Variants in PDE4D observed in about 807,000 individuals in gnomAD.
PDE4D encodes phosphodiesterase 4D.
Under a neutral mutation model 87.4 loss-of-function variants are expected in PDE4D, and 24 were observed. The observed-to-expected ratio is 0.27, with a 90% CI of 0.20 to 0.39. The LOEUF (loss-of-function observed/expected upper bound fraction) is 0.39, where lower values mean the gene tolerates loss of function less well. Ranked by LOEUF, PDE4D falls within the 10% of genes least tolerant of loss-of-function variation. PDE4D has a pLI of 1.00. For missense variants in PDE4D, 714 were observed against 1,041.0 expected (o/e 0.69, Z 4.32); for synonymous variants, 384 against 383.2 (o/e 1.00, Z -0.02).
chr5:59,347,740 C>CTT (rs1423280866), intron 1 of PDE4D, among the ~76,000 whole-genome samples: 1 of 152,100 alleles, frequency 6.6e-6, no homozygotes, highest in East Asian at 1.9e-4. Context: ...CTTTCCCTCA[C>CTT]TGTATTTTTA....
At chr5:59,128,528 G>T (rs938477539) in intron 5 of PDE4D, among the ~76,000 whole-genome samples, 1 of 152,058 alleles carries the variant, frequency 6.6e-6, no homozygotes, top group Non-Finnish European at 1.5e-5. Context: ...CATTTACAGT[G>T]GAGTGTATTA....
At chr5:60,170,348 A>G (rs1179138799) in intron 2 of PDE4D, among the ~76,000 whole-genome samples, 1 of 152,032 alleles carries the variant, frequency 6.6e-6, no homozygotes, top group Non-Finnish European at 1.5e-5. Flanking sequence ...CTTTCACTAT[A>G]GATCTACATA....
At chr5:59,238,279 G>T (rs772955906) in intron 1 of PDE4D, among the ~76,000 whole-genome samples, 5 of 152,138 alleles carry the variant, frequency 3.3e-5, no homozygotes, top group Non-Finnish European at 7.3e-5. Flanking sequence ...GCACAATAAT[G>T]AGATATTTGT....
At chr5:59,642,492 A>T (rs1485581438) in intron 1 of PDE4D, among the ~76,000 whole-genome samples, 1 of 152,102 alleles carries the variant, frequency 6.6e-6, no homozygotes. Context: ...TCATGGGGGA[A>T]GTTTCCCCTA....
At chr5:59,773,386 T>C (rs902749133) in intron 1 of PDE4D, among the ~76,000 whole-genome samples, 4 of 152,186 alleles carry the variant, frequency 2.6e-5, no homozygotes, top group Non-Finnish European at 1.5e-5. Context: ...AAATTGTTTA[T>C]GGTTATTTCT....
intron 3 of PDE4D, among the ~76,000 whole-genome samples, chr5:59,980,577 C>A (rs1245891419): frequency 6.6e-6 from 1 of 152,194 alleles, no homozygotes. Context: ...CCTTTGATTT[C>A]TAAAGGTAAA....
chr5:59,085,654 T>C (rs886239011), intron 5 of PDE4D, among the ~76,000 whole-genome samples: 1 of 152,174 alleles, frequency 6.6e-6, no homozygotes, highest in Admixed American at 6.5e-5. Context: ...CACGGCAAAA[T>C]GTGCGGATAC....
intron 1 of PDE4D, among the ~76,000 whole-genome samples, chr5:60,200,651 T>A (rs1397239614): frequency 6.6e-6 from 1 of 152,138 alleles, no homozygotes; most frequent in Non-Finnish European, 1.5e-5. Context: ...AAGATAGAAA[T>A]TTCAGTCCAT....
intron 1 of PDE4D, among the ~76,000 whole-genome samples, chr5:59,416,525 T>C (rs868064064): frequency 2.6e-5 from 4 of 152,178 alleles, no homozygotes; most frequent in African/African-American, 7.2e-5. Context: ...GGTGGACAAC[T>C]TCAATTGAAT....
chr5:59,948,747 G>C (rs1757961949), intron 3 of PDE4D, among the ~76,000 whole-genome samples: 1 of 152,220 alleles, frequency 6.6e-6, no homozygotes, highest in African/African-American at 2.4e-5. Context: ...TGTACAGAAA[G>C]TTAACACAGG....
In PDE4D at chr5:59,162,853, C is replaced by CAAAA. The variant is rs368976708; in HGVS notation, c.808+17738_808+17741dup. Among the ~76,000 whole-genome samples, 1,172 of 121,580 alleles carry CAAAA rather than the reference C, an allele frequency of 9.6e-3. 39 individuals are homozygous for CAAAA. Among genetic ancestry groups the CAAAA allele is most frequent in the African/African-American group, 0.035 (1,089 of 31,534 alleles). The allele number at this position is 121,580 out of a possible 152,430, so 79.8% of individuals were successfully genotyped here. A position where few individuals can be genotyped will look rare whatever the true frequency, so the allele number is the denominator to read the frequency against. ...CTGAGCAAAAAGTGAGACCCTGCAT[C>CAAAA]AAAAAAAAAAAAAATTGTAATTAAA... On this transcript the variant is annotated intron_variant, in intron 5 of 14. Coordinates refer to ENST00000340635, the MANE Select transcript of PDE4D (RefSeq NM_001104631.2).
intron 1 of PDE4D, among the ~76,000 whole-genome samples, chr5:60,276,998 G>T (rs1223135732): frequency 1.3e-5 from 2 of 151,778 alleles, no homozygotes; most frequent in African/African-American, 4.8e-5. Context: ...CATAATGCCA[G>T]TCTTTGTTTT....
At chr5:59,282,511 C>T (rs938177299) in intron 1 of PDE4D, among the ~76,000 whole-genome samples, 3 of 151,482 alleles carry the variant, frequency 2.0e-5, no homozygotes, top group Non-Finnish European at 4.4e-5. Flanking sequence ...GGTGTGGTGG[C>T]GAGCACCTGT....
chr5:60,216,271 C>T (rs574585927), intron 1 of PDE4D, among the ~76,000 whole-genome samples: 29 of 152,182 alleles, frequency 1.9e-4, no homozygotes, highest in Non-Finnish European at 3.2e-4. Context: ...CTCTATAGAG[C>T]CCCAGTTCTG....
At chr5:59,331,968 C>T (rs1312515756) in intron 1 of PDE4D, among the ~76,000 whole-genome samples, 1 of 152,144 alleles carries the variant, frequency 6.6e-6, no homozygotes, top group African/African-American at 2.4e-5. Context: ...AGATCCATGG[C>T]CCATTTACCT....
intron 1 of PDE4D, among the ~76,000 whole-genome samples, chr5:60,217,185 T>C (rs1337733171): frequency 1.3e-5 from 2 of 152,050 alleles, no homozygotes; most frequent in Non-Finnish European, 2.9e-5. Context: ...ATTCCTCTTA[T>C]ATTACATACT....
rs1582640372 is a variant in PDE4D at position 59,445,502 on chromosome 5, T to C, written c.456-229534A>G. The stretch of plus-strand genomic sequence containing the variant: ...GATTCTGTTGCAATTTGTCTGTAGT[T>C]GTAAAGAAAGTCGATTATTTAATCA... On this transcript the variant is annotated intron_variant, in intron 1 of 14. Coordinates refer to ENST00000340635, the MANE Select transcript of PDE4D (RefSeq NM_001104631.2). Among the ~76,000 whole-genome samples the C allele has an allele frequency of 3.3e-5, 5 of 152,328 alleles. No individual in the cohort carries two copies. The South Asian group carries it at 1.0e-3, about 32-fold the overall frequency.
chr5:59,798,124 A>G (rs1425227863), intron 1 of PDE4D, among the ~76,000 whole-genome samples: 1 of 151,880 alleles, frequency 6.6e-6, no homozygotes, highest in East Asian at 1.9e-4. Flanking sequence ...TCCCAGCTAC[A>G]TGGGAGGCTG....
At chr5:59,150,047 C>G (rs902875042) in intron 5 of PDE4D, among the ~76,000 whole-genome samples, 3 of 152,012 alleles carry the variant, frequency 2.0e-5, no homozygotes, top group African/African-American at 7.2e-5. Context: ...TATTTAGAGT[C>G]CTGTCATGTG....
Sources: gnomAD v4.1 joint callset for allele counts (sites outside exome capture counted in the v4.1 genomes callset) on GRCh38, gnomAD v4.1.1 for gene constraint, MANE v1.5 for transcripts, NCBI Gene and HGNC (gene_info 2026-07-23, HGNC 2026-07-21) for gene names.